The following TRIML2 variants were observed in gnomAD, a reference collection of about 807,000 sequenced individuals.
The protein encoded by TRIML2 is tripartite motif family like 2.
A neutral mutation model predicts 31.2 loss-of-function variants in TRIML2; 28 were observed. The ratio of observed to expected loss-of-function variants is 0.90; its 90% CI spans 0.66 to 1.23. TRIML2 has a LOEUF of 1.23. Ranked by LOEUF, TRIML2 falls within the 50% of genes most tolerant of loss-of-function variation. The pLI is 0.00. For missense variants in TRIML2, 536 were observed against 528.3 expected, an observed-to-expected ratio of 1.01 and a Z score of -0.14; for synonymous variants, 187 against 197.5, an observed-to-expected ratio of 0.95 and a Z score of 0.45.
rs781170353 is a variant in TRIML2 at position 188,099,055 on chromosome 4, C to T, written c.601G>A (p.Gly201Ser). The part of the protein sequence containing the change: ...IVELEKKCGE[G>S]TLALLKNAKY... ...CTTACCTTGAGCAATGCCAAGGTGC[C>T]TTCCCCACACTTTTTCTCAAGCTCC... Residue 201 changes from glycine (G) to serine (S), a missense_variant, in exon 5 of 8, where the codon GGC (glycine) becomes AGC (serine). Transcript: ENST00000682553. 27 of 1,613,994 alleles carry T rather than the reference C, an allele frequency of 1.7e-5. No individual in the cohort carries two copies. In the Admixed American group the frequency reaches 4.5e-4, roughly 27 times the overall value.
rs752810338 is a variant in TRIML2, at chr4:188,101,259, T to C, written c.286-9A>G. The C allele has an allele frequency of 6.3e-7, 1 of 1,597,536 alleles. No individual in the cohort carries two copies. Among genetic ancestry groups the C allele is most frequent in the African/African-American group, 1.3e-5 (1 of 74,612 alleles). On this transcript the variant is annotated splice_polypyrimidine_tract_variant and intron_variant, in intron 3 of 7. Transcript: ENST00000682553. ...AAATTTTGTTCCTCTTCCTTCCTCA[T>C]ATAGACATGATAGACTTCAGGTTAA...
At chr4:188,102,400 G>A (rs1022336912) in intron 3 of TRIML2, among the ~76,000 whole-genome samples, 5 of 152,074 alleles carry the variant, frequency 3.3e-5, no homozygotes, top group South Asian at 2.1e-4. Context: ...GCGTTAGCTC[G>A]GGATGTGATG....
intron 3 of TRIML2, 96 bp from the exon 4 acceptor site, chr4:188,101,346 GA>G: frequency 1.6e-6 from 1 of 632,342 alleles, no homozygotes. Flanking sequence ...TCTATATATA[GA>G]TATATATATC....
intron 5 of TRIML2, among the ~76,000 whole-genome samples, chr4:188,097,568 C>T (rs1193170336): frequency 1.3e-5 from 2 of 152,056 alleles, no homozygotes; most frequent in Middle Eastern, 3.2e-3. Flanking sequence ...GTTTTCTATC[C>T]CTCACCCCAG....
At chr4:188,092,835 T>C (rs1733327957) in intron 7 of TRIML2, 1 of 456,130 alleles carries the variant, frequency 2.2e-6, no homozygotes, top group Admixed American at 2.4e-5. Flanking sequence ...CATGAATACG[T>C]CTTCTTCCTA....
chr4:188,108,205 T>C (rs1183945876), intron 1 of TRIML2, among the ~76,000 whole-genome samples: 2 of 152,306 alleles, frequency 1.3e-5, no homozygotes, highest in African/African-American at 4.8e-5. Context: ...CTCCCAGTCC[T>C]GGTCTCTCCC....
chr4:188,097,781 G>T (rs1008945534), intron 5 of TRIML2, among the ~76,000 whole-genome samples: 1 of 152,090 alleles, frequency 6.6e-6, no homozygotes, highest in Admixed American at 6.6e-5. Context: ...CCAGATGAGC[G>T]CATTCATTGC....
At chr4:188,099,588 C>CAAA (rs200928701) in intron 4 of TRIML2, among the ~76,000 whole-genome samples, 1 of 139,460 alleles carries the variant, frequency 7.2e-6, no homozygotes, top group Admixed American at 7.2e-5. Flanking sequence ...AAACCAAAAC[C>CAAA]AAAAAAAAAA....
At chr4:188,109,052 G>C (rs1179089538) in intron 1 of TRIML2, among the ~76,000 whole-genome samples, 191 bp downstream of exon 1, 1 of 152,008 alleles carries the variant, frequency 6.6e-6, no homozygotes, top group East Asian at 1.9e-4. Context: ...TACAGAAACA[G>C]CAAAGGAAAA....
chr4:188,099,218 C>T, intron 4 of TRIML2, 43 bp from the exon 5 acceptor site: 1 of 1,551,560 alleles, frequency 6.4e-7, no homozygotes, highest in Non-Finnish European at 8.7e-7. Flanking sequence ...ACCTCAAGTT[C>T]AGGAACAAGA....
intron 2 of TRIML2, 42 bp from the exon 3 acceptor site, chr4:188,104,974 A>G: frequency 6.4e-7 from 1 of 1,563,642 alleles, no homozygotes; most frequent in Middle Eastern, 1.7e-4. Context: ...TCATTGATTT[A>G]GAACAGTTGG....
At chr4:188,097,234 C>T (rs527346767) in intron 6 of TRIML2, 73 bp from the exon 7 acceptor site, 4 of 1,591,330 alleles carry the variant, frequency 2.5e-6, no homozygotes, top group Non-Finnish European at 2.6e-6. Context: ...GATCCCATTA[C>T]ATCCTACCAG....
At chr4:188,101,311 A>C in intron 3 of TRIML2, 61 bp from the exon 4 acceptor site, 1 of 954,260 alleles carries the variant, frequency 1.0e-6, no homozygotes, top group Non-Finnish European at 1.6e-6. Context: ...ACACACACAC[A>C]CGTCATAATA....
intron 7 of TRIML2, among the ~76,000 whole-genome samples, chr4:188,092,156 G>A (rs115124261): frequency 0.012 from 1,802 of 152,172 alleles, 40 homozygotes; most frequent in African/African-American, 0.041. Flanking sequence ...AAGGGACACA[G>A]TCTACCTGAG....
At chr4:188,092,769 G>A (rs1733324485) in intron 7 of TRIML2, 2 of 454,708 alleles carry the variant, frequency 4.4e-6, no homozygotes, top group Middle Eastern at 6.6e-4. Context: ...CACCTGTGTG[G>A]ACCCTCCAGA....
chr4:188,098,853 T>C (rs1049792878), intron 5 of TRIML2, 182 bp downstream of exon 5: 20 of 649,968 alleles, frequency 3.1e-5, no homozygotes, highest in Admixed American at 1.6e-4. Context: ...AGCTCCACAC[T>C]ATCCCACAAA....
chr4:188,106,199 G>T (rs949212537), intron 1 of TRIML2, among the ~76,000 whole-genome samples: 5 of 119,524 alleles, frequency 4.2e-5, no homozygotes, highest in Admixed American at 7.7e-5. Context: ...TCAGGCGCCC[G>T]CCACCTCGCC....
intron 7 of TRIML2, among the ~76,000 whole-genome samples, chr4:188,093,296 C>T (rs1288372758): frequency 6.6e-6 from 1 of 152,198 alleles, no homozygotes; most frequent in East Asian, 1.9e-4. Flanking sequence ...AACAGCTACA[C>T]GTCTTGAATT....
rs746871165 is a variant in TRIML2 at position 188,091,381 on chromosome 4, T to C, written c.1306A>G (p.Ser436Gly). 2 of 1,612,938 alleles carry C rather than the reference T, an allele frequency of 1.2e-6. No individual in the cohort carries two copies. Among genetic ancestry groups the C allele is most frequent in the Non-Finnish European group, 1.7e-6 (2 of 1,179,102 alleles). ...ATTTTACACACAGAAGATTAAGGGC[T>C]AACAGTAGCATCACAAGAAGGACCA... ...QHGPSCDATV[S>G]P The change falls in exon 8 of 8, where the codon AGC (serine) becomes GGC (glycine). Residue 436 changes from serine to glycine, a missense_variant. By Grantham distance (56) the Ser-to-Gly change is moderately conservative. Transcript: ENST00000682553.
Sources: allele counts gnomAD v4.1 joint callset (sites outside exome capture counted in the v4.1 genomes callset), GRCh38; gene constraint gnomAD v4.1.1; transcripts MANE v1.5; gene names NCBI Gene and HGNC (gene_info 2026-07-23, HGNC 2026-07-21).